Variants in ZNF280D observed in about 807,000 individuals in gnomAD.
ZNF280D encodes the protein suppressor of hairy wing homolog 4.
In ZNF280D, 39 loss-of-function variants were observed where a neutral mutation model predicts 94.7. The observed-to-expected ratio is 0.41, with a 90% CI of 0.32 to 0.54. ZNF280D has a LOEUF of 0.54. Among genes scored for constraint, ZNF280D ranks in the 20% least tolerant of loss-of-function variants. The pLI, the probability that ZNF280D is intolerant of heterozygous loss-of-function variation, is 0.22. For missense variants in ZNF280D, 1,090 were observed against 1,149.3 expected, an observed-to-expected ratio of 0.95 and a Z score of 0.75; for synonymous variants, 398 against 377.6, an observed-to-expected ratio of 1.05 and a Z score of -0.63.
At chr15:56,728,494 C>G (rs113081835) in intron 1 of ZNF280D, among the ~76,000 whole-genome samples, 40 of 152,334 alleles carry the variant, frequency 2.6e-4, no homozygotes, top group African/African-American at 9.1e-4. Context: ...GATGGCCGTC[C>G]TGTCTTCAAC....
At chr15:56,705,999 G>A (rs1423347595) in intron 3 of ZNF280D, among the ~76,000 whole-genome samples, 1 of 148,672 alleles carries the variant, frequency 6.7e-6, no homozygotes, top group Non-Finnish European at 1.5e-5. Context: ...AAATTCATAT[G>A]TTTAAGACCT....
At chr15:56,732,249 T>A (rs1177375049) in intron 1 of ZNF280D, among the ~76,000 whole-genome samples, 2 of 152,092 alleles carry the variant, frequency 1.3e-5, no homozygotes, top group African/African-American at 4.8e-5. Context: ...GCAAAATGAT[T>A]CCAGCAACCC....
intron 7 of ZNF280D, among the ~76,000 whole-genome samples, chr15:56,692,568 C>A (rs761241864): frequency 4.6e-5 from 7 of 152,064 alleles, no homozygotes; most frequent in Non-Finnish European, 8.8e-5. Context: ...AGGGAAAGTT[C>A]ACTAATCCTT....
chr15:56,699,086 GA>G (rs1328434627), intron 6 of ZNF280D: 1 of 152,354 alleles, frequency 6.6e-6, no homozygotes, highest in Non-Finnish European at 1.5e-5. Context: ...TTGATACACA[GA>G]AATAAATATC....
intron 13 of ZNF280D, among the ~76,000 whole-genome samples, chr15:56,673,860 C>G (rs1305465337): frequency 6.6e-6 from 1 of 151,990 alleles, no homozygotes; most frequent in Non-Finnish European, 1.5e-5. Flanking sequence ...CAGAGAGGCC[C>G]ATGTTTGAAC....
chr15:56,675,021 A>G (rs1478147777), intron 13 of ZNF280D, among the ~76,000 whole-genome samples: 1 of 152,028 alleles, frequency 6.6e-6, no homozygotes, highest in African/African-American at 2.4e-5. Context: ...ATCATTACAC[A>G]AATTGTAAAT....
At chr15:56,710,436 A>G (rs1226164631) in intron 1 of ZNF280D, among the ~76,000 whole-genome samples, 28 of 149,064 alleles carry the variant, frequency 1.9e-4, no homozygotes, top group African/African-American at 6.4e-4. Context: ...ATAGCCAGGA[A>G]AAAAAAAAAA....
chr15:56,660,951 C>T (rs1306496606), intron 16 of ZNF280D, among the ~76,000 whole-genome samples: 1 of 150,610 alleles, frequency 6.6e-6, no homozygotes. Flanking sequence ...AAGCTGCCTG[C>T]CCTAGAGTTT....
At chr15:56,726,116 C>A (rs2058621010) in intron 1 of ZNF280D, among the ~76,000 whole-genome samples, 1 of 151,542 alleles carries the variant, frequency 6.6e-6, no homozygotes, top group African/African-American at 2.4e-5. Flanking sequence ...GAAAAAAAAA[C>A]TGGTAACAAC....
chr15:56,700,593 A>G, intron 6 of ZNF280D: 1 of 1,151,696 alleles, frequency 8.7e-7, no homozygotes, highest in Middle Eastern at 3.5e-4. Flanking sequence ...CTGTTTTCCC[A>G]ATTAAGAATA....
Position 56,678,817 on chromosome 15 carries a change from T to A in ZNF280D, c.1009A>T (p.Met337Leu). The A allele has an allele frequency of 6.3e-7, 1 of 1,592,162 alleles. No homozygotes were observed. The highest frequency in any genetic ancestry group is 1.7e-4 in the Middle Eastern group (1 of 5,966). The change falls in exon 11 of 22, where the codon ATG becomes TTG. Residue 337 changes from methionine (M) to leucine (L), a missense_variant. Met to Leu is a conservative substitution (Grantham distance 15). Transcript: ENST00000267807. ...TCCAAATGGTGTTTCATGTGGTTCA[T>A]AAACCTATAAATGGTTGTCAACAGG... ...LKILKNNIRFMNHMKHHLELE... is the reference protein window; with the variant it reads ...LKILKNNIRFLNHMKHHLELE...
Position 56,720,971 on chromosome 15 carries a change from G to GC in ZNF280D, c.-86+12486_-86+12487insG, listed in dbSNP as rs1491410519. Among the ~76,000 whole-genome samples the GC allele has an allele frequency of 4.1e-4, 8 of 19,484 alleles. No homozygotes were observed. The South Asian group carries it at 8.8e-3, about 21-fold the overall frequency. 12.8% of individuals were successfully genotyped at this position (19,484 alleles called of 152,430 possible). On this transcript the variant is annotated intron_variant, in intron 1 of 21. Transcript: ENST00000267807. ...GCAGAGTAGATTTAGCATTTTTTTT[G>GC]GGGGGGGGGGGGACAGAGTCTCGCT... is the stretch of plus-strand genomic sequence containing the variant.
At chr15:56,728,726 T>C (rs1262425724) in intron 1 of ZNF280D, among the ~76,000 whole-genome samples, 1 of 152,188 alleles carries the variant, frequency 6.6e-6, no homozygotes, top group Non-Finnish European at 1.5e-5. Context: ...TACAACAATT[T>C]TCAACTTTAT....
Position 56,682,469 on chromosome 15 carries a change from A to G in ZNF280D, c.789T>C (p.Cys263=). The G allele has an allele frequency of 2.7e-6, 4 of 1,499,294 alleles. No homozygotes were observed. The highest frequency in any genetic ancestry group is 2.7e-6 in the Non-Finnish European group (3 of 1,122,216). The allele number at this position is 1,499,294 out of a possible 1,614,324, so 92.9% of individuals were successfully genotyped here. ...DPLKNHMKYC[C]PDMINNFLGL... is the part of the protein sequence containing the mutation. Reference sequence around the variant, plus strand: ...CCAAAAAGTTATTTATCATGTCTGGACAACAATACTGAAAGAGAAAAAAAA... The same window carrying G: ...CCAAAAAGTTATTTATCATGTCTGGGCAACAATACTGAAAGAGAAAAAAAA... Residue 263 remains cysteine (C), a synonymous_variant, in exon 10 of 22, where the codon TGT becomes TGC. Transcript: ENST00000267807.
At chr15:56,659,202 A>G (rs532753308) in intron 16 of ZNF280D, among the ~76,000 whole-genome samples, 74 of 150,180 alleles carry the variant, frequency 4.9e-4, no homozygotes, top group Non-Finnish European at 9.5e-4. Context: ...AAAAAAAGGA[A>G]CTCATGAGTT....
At chr15:56,658,322 G>T (rs2053681619) in intron 17 of ZNF280D, 102 bp downstream of exon 17, 4 of 779,952 alleles carry the variant, frequency 5.1e-6, no homozygotes, top group African/African-American at 1.8e-5. Context: ...CACATAAATT[G>T]TATGGTATGC....
At chr15:56,678,866 A>T (rs747022601) in intron 10 of ZNF280D, 45 bp from the exon 11 acceptor site, 1 of 1,442,684 alleles carries the variant, frequency 6.9e-7, no homozygotes, top group Non-Finnish European at 9.2e-7. Flanking sequence ...ATTTAAAAAC[A>T]AAAAGGAAAT....
At chr15:56,709,906 T>A (rs988347427) in intron 1 of ZNF280D, among the ~76,000 whole-genome samples, 4 of 152,102 alleles carry the variant, frequency 2.6e-5, no homozygotes, top group Non-Finnish European at 5.9e-5. Context: ...ATACCTAATG[T>A]AAATGATGAG....
chr15:56,691,077 C>T (rs924097880), intron 7 of ZNF280D, among the ~76,000 whole-genome samples: 1 of 152,016 alleles, frequency 6.6e-6, no homozygotes, highest in Admixed American at 6.5e-5. Flanking sequence ...AGGCACCCAA[C>T]AAAACATTTG....
Sources: allele counts gnomAD v4.1 joint callset (sites outside exome capture counted in the v4.1 genomes callset), GRCh38; gene constraint gnomAD v4.1.1; transcripts MANE v1.5; gene names NCBI Gene and HGNC (gene_info 2026-07-23, HGNC 2026-07-21).